The following MOXD1 variants were observed in gnomAD, a reference collection of about 807,000 sequenced individuals.
MOXD1 encodes DBH-like monooxygenase protein 1.
In MOXD1, 62 loss-of-function variants were observed where a neutral mutation model predicts 66.6. That is an observed-to-expected ratio of 0.93 (90% CI 0.76 to 1.15). The LOEUF (loss-of-function observed/expected upper bound fraction) is 1.15. Among genes scored for constraint, MOXD1 ranks in the 50% most tolerant of loss-of-function variants. MOXD1 has a pLI of 0.00. For missense variants in MOXD1, 847 were observed against 754.6 expected (o/e 1.12, Z -1.44); for synonymous variants, 303 against 281.9 (o/e 1.07, Z -0.75).
intron 9 of MOXD1, among the ~76,000 whole-genome samples, 192 bp from the exon 10 acceptor site, chr6:132,315,969 A>G (rs1310363389): frequency 6.6e-6 from 1 of 152,184 alleles, no homozygotes; most frequent in African/African-American, 2.4e-5. Context: ...TTTCCACTTT[A>G]AAAATTTGCC....
intron 4 of MOXD1, among the ~76,000 whole-genome samples, chr6:132,362,820 A>G (rs1464722958): frequency 6.6e-6 from 1 of 152,208 alleles, no homozygotes; most frequent in Non-Finnish European, 1.5e-5. Context: ...ATTATTTCCA[A>G]TTCCTTTCTC....
chr6:132,336,679 G>A (rs1775445764), intron 4 of MOXD1, among the ~76,000 whole-genome samples: 1 of 152,180 alleles, frequency 6.6e-6, no homozygotes, highest in African/African-American at 2.4e-5. Flanking sequence ...GCCACAGCAT[G>A]AATGGACCTG....
chr6:132,382,407 G>C (rs1450976278), intron 1 of MOXD1, among the ~76,000 whole-genome samples: 1 of 152,034 alleles, frequency 6.6e-6, no homozygotes, highest in East Asian at 1.9e-4. Flanking sequence ...CTATATAAAT[G>C]GCTTTATGTG....
At position 132,372,656 on chromosome 6, in the gene MOXD1, G is replaced by A. The variant is rs775032868; in HGVS notation, c.615C>T (p.Cys205=). The change falls in exon 4 of 12, where the codon TGC becomes TGT. Residue 205 remains cysteine (C), a synonymous_variant. Transcript: ENST00000367963. ...GGAACACAGGAATCTTAAACATTTG[G>A]CACCAATATGTTGTATCTTTGTTTG... ...PIPNKDTTYW[C]QMFKIPVFQE... is the part of the protein sequence containing the mutation. The A allele has an allele frequency of 1.9e-6, 3 of 1,613,676 alleles. No homozygotes were observed. Among genetic ancestry groups the A allele is most frequent in the Non-Finnish European group, 1.7e-6 (2 of 1,179,800 alleles).
intron 1 of MOXD1, among the ~76,000 whole-genome samples, chr6:132,382,765 T>C (rs1327081740): frequency 6.6e-6 from 1 of 152,208 alleles, no homozygotes; most frequent in African/African-American, 2.4e-5. Context: ...TAGAAGCTGA[T>C]AGTAAGTTGA....
chr6:132,322,507 GA>G (rs1775096286), intron 8 of MOXD1, among the ~76,000 whole-genome samples, 171 bp downstream of exon 8: 1 of 152,160 alleles, frequency 6.6e-6, no homozygotes, highest in South Asian at 2.1e-4. Context: ...TTCAATTTTG[GA>G]AAACAGATCA....
At position 132,328,211 on chromosome 6, in the gene MOXD1, C is replaced by T. The variant is rs537757336; in HGVS notation, c.844-96G>A. Reference sequence around the variant, plus strand: ...AGCCATCTTCAAGGATATTTCAACCCTCTGGAACCCCATTCATCTACAATT... The same window carrying T: ...AGCCATCTTCAAGGATATTTCAACCTTCTGGAACCCCATTCATCTACAATT... On this transcript the variant is annotated intron_variant, in intron 5 of 11. Coordinates refer to ENST00000367963, the MANE Select transcript of MOXD1 (RefSeq NM_015529.4). 34 of 1,238,914 alleles carry T rather than the reference C, an allele frequency of 2.7e-5. 1 individual carries two copies. The Middle Eastern group carries it at 1.7e-3, about 63-fold the overall frequency. 76.7% of individuals were successfully genotyped at this position (1,238,914 alleles called of 1,614,324 possible).
intron 1 of MOXD1, among the ~76,000 whole-genome samples, chr6:132,385,740 C>T (rs1413281610): frequency 6.6e-6 from 1 of 151,934 alleles, no homozygotes; most frequent in East Asian, 2.0e-4. Context: ...GATCTGCCTG[C>T]CTTGGCCTCC....
chr6:132,312,819 AT>A (rs1188864084), intron 10 of MOXD1, among the ~76,000 whole-genome samples: 3 of 151,988 alleles, frequency 2.0e-5, no homozygotes, highest in African/African-American at 7.2e-5. Flanking sequence ...AAAAAAAAAA[AT>A]AGGCCATAGA....
At chr6:132,334,982 A>G (rs1775407536) in intron 4 of MOXD1, among the ~76,000 whole-genome samples, 1 of 152,226 alleles carries the variant, frequency 6.6e-6, no homozygotes, top group South Asian at 2.1e-4. Flanking sequence ...ATACCAAAAA[A>G]TTCTATGTGT....
intron 6 of MOXD1, among the ~76,000 whole-genome samples, chr6:132,327,170 TAC>T (rs1207313634): frequency 6.6e-6 from 1 of 152,170 alleles, no homozygotes; most frequent in African/African-American, 2.4e-5. Flanking sequence ...TCCCCACCAA[TAC>T]ACACTCCTGG....
intron 4 of MOXD1, among the ~76,000 whole-genome samples, chr6:132,351,809 G>A (rs1775807685): frequency 6.6e-6 from 1 of 152,114 alleles, no homozygotes; most frequent in Admixed American, 6.5e-5. Flanking sequence ...CAATCTCACT[G>A]CTTGCTATTG....
intron 1 of MOXD1, among the ~76,000 whole-genome samples, chr6:132,384,253 CCTTCCTTCCTTCCT>C: frequency 1.4e-5 from 1 of 72,996 alleles, no homozygotes; most frequent in Non-Finnish European, 2.3e-5. Flanking sequence ...TTCCTTCCTT[CCTTCCTTCCTTCCT>C]TCCTTCCTTC....
chr6:132,332,287 C>T (rs1362080439), intron 4 of MOXD1, among the ~76,000 whole-genome samples: 2 of 152,042 alleles, frequency 1.3e-5, no homozygotes, highest in African/African-American at 4.8e-5. Flanking sequence ...AACAAGGAAC[C>T]TTGCTGCAAA....
At chr6:132,355,496 C>T (rs992572808) in intron 4 of MOXD1, among the ~76,000 whole-genome samples, 2 of 152,116 alleles carry the variant, frequency 1.3e-5, no homozygotes, top group Non-Finnish European at 2.9e-5. Context: ...CGTGCTAATC[C>T]CAAACCAAGC....
intron 1 of MOXD1, among the ~76,000 whole-genome samples, chr6:132,398,977 G>A (rs1030332745): frequency 2.7e-5 from 4 of 149,328 alleles, no homozygotes; most frequent in African/African-American, 4.9e-5. Context: ...TCACTTTTTG[G>A]TATAGTTGCT....
At position 132,364,777 on chromosome 6, in the gene MOXD1, T is replaced by C. The variant is rs536988660; in HGVS notation, c.663+7831A>G. Reference sequence around the variant, plus strand: ...AAACATATAAGCACTCTACAGATACTGCCTTCATTTGATGACAGCTAACAT... The same window carrying C: ...AAACATATAAGCACTCTACAGATACCGCCTTCATTTGATGACAGCTAACAT... On this transcript the variant is annotated intron_variant, in intron 4 of 11. Coordinates refer to ENST00000367963, the MANE Select transcript of MOXD1 (RefSeq NM_015529.4). Among the ~76,000 whole-genome samples, 3 of 152,318 alleles carry C rather than the reference T, an allele frequency of 2.0e-5. No homozygotes were observed. The East Asian group carries it at 5.8e-4, about 29-fold the overall frequency.
At chr6:132,370,056 T>C (rs368340860) in intron 4 of MOXD1, among the ~76,000 whole-genome samples, 1 of 152,072 alleles carries the variant, frequency 6.6e-6, no homozygotes, top group East Asian at 1.9e-4. Context: ...CCACACAATA[T>C]GATATAAAAT....
chr6:132,304,709 C>T (rs116700935), intron 10 of MOXD1, among the ~76,000 whole-genome samples: 3,011 of 152,200 alleles, frequency 0.02, 105 homozygotes, highest in African/African-American at 0.069. Context: ...ACCTGCACAG[C>T]GAACCTGCTT....
Sources: gnomAD v4.1 joint callset for allele counts (sites outside exome capture counted in the v4.1 genomes callset) on GRCh38, gnomAD v4.1.1 for gene constraint, MANE v1.5 for transcripts, NCBI Gene and HGNC (gene_info 2026-07-23, HGNC 2026-07-21) for gene names.